Variants in CADM2 observed in about 807,000 individuals in gnomAD.
CADM2 encodes immunoglobulin superfamily member 4D.
Under a neutral mutation model 49.8 loss-of-function variants are expected in CADM2, and 12 were observed. That is an observed-to-expected ratio of 0.24 (90% CI 0.15 to 0.39). CADM2 has a LOEUF of 0.39. CADM2 is among the 10% of genes least tolerant of loss of function. The pLI, the probability that CADM2 is intolerant of heterozygous loss-of-function variation, is 1.00. For synonymous variants in CADM2, 214 were observed against 175.4 expected (o/e 1.22, Z -1.74); for missense variants, 378 against 492.3 (o/e 0.77, Z 2.20).
intron 8 of CADM2, among the ~76,000 whole-genome samples, chr3:85,966,240 C>T (rs1486777958): frequency 6.6e-6 from 1 of 151,630 alleles, no homozygotes; most frequent in East Asian, 2.0e-4. Context: ...AATGGCAGGT[C>T]CAGATTGTAG....
At chr3:85,771,679 C>T (rs1685769693) in intron 2 of CADM2, among the ~76,000 whole-genome samples, 1 of 151,950 alleles carries the variant, frequency 6.6e-6, no homozygotes, top group Admixed American at 6.6e-5. Context: ...TCTCTCTTTG[C>T]AGGTAAATAA....
At chr3:85,423,681 T>C (rs1559832598) in intron 1 of CADM2, among the ~76,000 whole-genome samples, 1 of 152,182 alleles carries the variant, frequency 6.6e-6, no homozygotes, top group Non-Finnish European at 1.5e-5. Context: ...TTATTTTGGT[T>C]TCTGTCCTTG....
chr3:85,696,972 T>C (rs1011880980), intron 1 of CADM2, among the ~76,000 whole-genome samples: 1 of 151,654 alleles, frequency 6.6e-6, no homozygotes, highest in African/African-American at 2.4e-5. Context: ...GCAGTACTAT[T>C]TAAGTCTTTG....
intron 1 of CADM2, chr3:85,385,797 TC>T (rs1483480161): frequency 1.7e-5 from 1 of 59,950 alleles, no homozygotes; most frequent in Non-Finnish European, 3.7e-5. Context: ...TGTTTCTCTC[TC>T]TCTTTTTTTT....
At chr3:85,255,135 A>G (rs1327227598) in intron 1 of CADM2, among the ~76,000 whole-genome samples, 1 of 152,080 alleles carries the variant, frequency 6.6e-6, no homozygotes, top group Admixed American at 6.6e-5. Context: ...AGTAAATAGC[A>G]CTAACATGTA....
intron 1 of CADM2, among the ~76,000 whole-genome samples, chr3:85,397,872 T>A (rs76064561): frequency 0.022 from 3,281 of 152,258 alleles, 155 homozygotes; most frequent in East Asian, 0.16. Context: ...AATGATAAAT[T>A]TTTGTGATTT....
chr3:85,060,329 G>T (rs564572949), intron 1 of CADM2, among the ~76,000 whole-genome samples: 1 of 151,970 alleles, frequency 6.6e-6, no homozygotes, highest in African/African-American at 2.4e-5. Context: ...GTTTCACCAG[G>T]TTGGCCATGC....
At chr3:85,290,216 C>T (rs1295906573) in intron 1 of CADM2, among the ~76,000 whole-genome samples, 6 of 152,212 alleles carry the variant, frequency 3.9e-5, no homozygotes, top group Non-Finnish European at 4.4e-5. Flanking sequence ...CACCCGAATA[C>T]TGCGCTTTTC....
intron 8 of CADM2, among the ~76,000 whole-genome samples, chr3:86,019,665 T>C (rs1732852735): frequency 6.6e-6 from 1 of 152,132 alleles, no homozygotes; most frequent in Admixed American, 6.5e-5. Context: ...TTACTCATGA[T>C]TTGGCTCTCT....
Position 85,935,784 on chromosome 3 carries a change from A to G in CADM2, c.718A>G (p.Ile240Val). ...LEIHYTPSVK[I>V]IPSTPFPQEG... The stretch of plus-strand genomic sequence containing the variant: ...ATTTCTAGATACACCATCAGTTAAG[A>G]TTATACCATCGACTCCTTTTCCACA... The change falls in exon 7 of 10, where the codon ATT becomes GTT. Residue 240 changes from isoleucine to valine, a missense_variant. Coordinates refer to ENST00000383699, the MANE Select transcript of CADM2 (RefSeq NM_001167675.2). The G allele has an allele frequency of 6.2e-7, 1 of 1,602,686 alleles. No homozygotes were observed. The highest frequency in any genetic ancestry group is 8.5e-7 in the Non-Finnish European group (1 of 1,171,580).
chr3:85,696,618 A>C lies in CADM2; in HGVS notation c.62-29904A>C, dbSNP rs535412361. Among the ~76,000 whole-genome samples, 10 of 152,120 alleles carry C rather than the reference A, an allele frequency of 6.6e-5. No homozygotes were observed. The East Asian group carries it at 1.7e-3, about 26-fold the overall frequency. ...ACATGTAGTTTTCCCCTTTGTTAGT[A>C]ATGAAAATTCTTAGTAGTTAATATT... On this transcript the variant is annotated intron_variant, in intron 1 of 9. Coordinates refer to ENST00000383699, the MANE Select transcript of CADM2 (RefSeq NM_001167675.2).
At chr3:85,635,495 A>C (rs2064442897) in intron 1 of CADM2, among the ~76,000 whole-genome samples, 1 of 152,150 alleles carries the variant, frequency 6.6e-6, no homozygotes, top group Non-Finnish European at 1.5e-5. Flanking sequence ...ACACTATAGA[A>C]ATTTTTAAGG....
At chr3:85,290,021 C>A (rs992608269) in intron 1 of CADM2, among the ~76,000 whole-genome samples, 11 of 152,180 alleles carry the variant, frequency 7.2e-5, no homozygotes, top group Admixed American at 7.2e-4. Flanking sequence ...GCATTTCCAT[C>A]TGAGGTACTG....
At chr3:85,206,086 G>A (rs1356041479) in intron 1 of CADM2, among the ~76,000 whole-genome samples, 1 of 151,910 alleles carries the variant, frequency 6.6e-6, no homozygotes, top group Non-Finnish European at 1.5e-5. Context: ...GTTAAGTCAG[G>A]TAAACTGTTT....
intron 1 of CADM2, among the ~76,000 whole-genome samples, chr3:85,307,253 G>C (rs1296596448): frequency 5.3e-5 from 8 of 151,398 alleles, no homozygotes. Flanking sequence ...TCAGGATTTT[G>C]TGTTATGCTT....
chr3:85,781,449 C>A lies in CADM2; in HGVS notation c.89-20598C>A, dbSNP rs1437080163. On this transcript the variant is annotated intron_variant, in intron 2 of 9. Coordinates refer to ENST00000383699, the MANE Select transcript of CADM2 (RefSeq NM_001167675.2). ...TGTCTACATGGTGCAAGTTATGCAC[C>A]AGGCCATGAACACAATGGAGAGTCT... 2.0e-5 allele frequency among the ~76,000 whole-genome samples: 3 copies of A among 152,024 alleles called. No homozygotes were observed. The East Asian group carries it at 5.8e-4, about 29-fold the overall frequency.
intron 2 of CADM2, among the ~76,000 whole-genome samples, chr3:85,794,145 C>A (rs149893897): frequency 9.2e-5 from 14 of 152,148 alleles, no homozygotes; most frequent in Middle Eastern, 6.8e-3. Flanking sequence ...TTTAAAAAGT[C>A]TTAAGATGTG....
chr3:85,372,423 GTGTGTATATATGTATATA>G (rs2033311152), intron 1 of CADM2, among the ~76,000 whole-genome samples: 1 of 25,642 alleles, frequency 3.9e-5, no homozygotes, highest in African/African-American at 9.8e-5. Flanking sequence ...ATGTATATAT[GTGTGTATATATGTATATA>G]TGTGTATATA....
intron 1 of CADM2, among the ~76,000 whole-genome samples, chr3:85,133,092 C>T (rs559731300): frequency 2.6e-5 from 4 of 152,220 alleles, no homozygotes; most frequent in African/African-American, 9.6e-5. Context: ...CAGGTGGGCT[C>T]CTGGTCTCGC....
Sources: gnomAD v4.1 joint callset for allele counts (sites outside exome capture counted in the v4.1 genomes callset) on GRCh38, gnomAD v4.1.1 for gene constraint, MANE v1.5 for transcripts, NCBI Gene and HGNC (gene_info 2026-07-23, HGNC 2026-07-21) for gene names.